REDIC1: variants seen among roughly 807,000 people sequenced by gnomAD.
REDIC1 encodes HEI10 Interacting Protein 1.
the REDIC1 span, among the ~76,000 whole-genome samples, chr12:39,707,462 A>T: frequency 6.6e-6 from 1 of 151,906 alleles, no homozygotes; most frequent in African/African-American, 2.4e-5. Context: ...GTTCCTCAAA[A>T]AACTAAAAAT....
At chr12:39,626,470 G>A in the REDIC1 span, 13 of 1,398,306 alleles carry the variant, frequency 9.3e-6, no homozygotes, top group Middle Eastern at 1.8e-4. Context: ...GGTAGGAAAG[G>A]GTCTTTTTAT....
chr12:39,722,365 G>A, the REDIC1 span, among the ~76,000 whole-genome samples: 2,343 of 152,030 alleles, frequency 0.015, 57 homozygotes, highest in African/African-American at 0.051. Flanking sequence ...TCATGGAAGG[G>A]GAATATAATT....
chr12:39,671,168 T>A, the REDIC1 span, among the ~76,000 whole-genome samples: 2 of 152,230 alleles, frequency 1.3e-5, no homozygotes, highest in African/African-American at 4.8e-5. Flanking sequence ...CTTCTTCTGA[T>A]GTTTTGGATT....
At chr12:39,649,091 C>T in the REDIC1 span, among the ~76,000 whole-genome samples, 1 of 151,778 alleles carries the variant, frequency 6.6e-6, no homozygotes, top group Non-Finnish European at 1.5e-5. Context: ...GATAAAACAT[C>T]TGTGTAATCT....
At chr12:39,713,390 G>T in the REDIC1 span, among the ~76,000 whole-genome samples, 1 of 126,634 alleles carries the variant, frequency 7.9e-6, no homozygotes, top group Non-Finnish European at 1.8e-5. Context: ...ATGTATGTGT[G>T]TAGACACATA....
At chr12:39,799,227 C>T in the REDIC1 span, among the ~76,000 whole-genome samples, 22 of 149,068 alleles carry the variant, frequency 1.5e-4, no homozygotes, top group Non-Finnish European at 1.8e-4. Flanking sequence ...GTAGCTGGGA[C>T]TACAGGCATG....
At chr12:39,667,848 G>C in the REDIC1 span, among the ~76,000 whole-genome samples, 1 of 152,000 alleles carries the variant, frequency 6.6e-6, no homozygotes, top group Non-Finnish European at 1.5e-5. Flanking sequence ...TTTGATCTTT[G>C]TTTGTTCAAA....
the REDIC1 span, among the ~76,000 whole-genome samples, chr12:39,782,556 G>A: frequency 2.6e-5 from 4 of 152,198 alleles, no homozygotes; most frequent in East Asian, 7.7e-4. Flanking sequence ...CCAGTTTTGG[G>A]TATGTCTTTA....
At chr12:39,661,486 C>T in the REDIC1 span, among the ~76,000 whole-genome samples, 1 of 151,894 alleles carries the variant, frequency 6.6e-6, no homozygotes, top group African/African-American at 2.4e-5. Context: ...CCTTTGCCCA[C>T]TTTTTAACGG....
chr12:39,813,995 A>G, the REDIC1 span, among the ~76,000 whole-genome samples: 1 of 152,214 alleles, frequency 6.6e-6, no homozygotes, highest in African/African-American at 2.4e-5. Flanking sequence ...GTGATTTCGT[A>G]TATTACTTCA....
the REDIC1 span, among the ~76,000 whole-genome samples, chr12:39,856,012 T>G: frequency 6.6e-6 from 1 of 152,184 alleles, no homozygotes; most frequent in African/African-American, 2.4e-5. Flanking sequence ...AGCATGCCCA[T>G]AGAAGGTATT....
chr12:39,815,523 A>G, the REDIC1 span, among the ~76,000 whole-genome samples: 4 of 152,184 alleles, frequency 2.6e-5, no homozygotes, highest in African/African-American at 7.2e-5. Flanking sequence ...AGAGATTTCT[A>G]TGTGTCCAGG....
chr12:39,806,242 G>A, the REDIC1 span, among the ~76,000 whole-genome samples: 1 of 152,150 alleles, frequency 6.6e-6, no homozygotes, highest in Admixed American at 6.6e-5. Flanking sequence ...AATGCTGAAA[G>A]ATCAGAACAA....
chr12:39,674,825 G>A, the REDIC1 span, among the ~76,000 whole-genome samples: 1 of 152,186 alleles, frequency 6.6e-6, no homozygotes, highest in Non-Finnish European at 1.5e-5. Flanking sequence ...AATTGAGGAG[G>A]GGCCACAGGG....
chr12:39,711,128 G>A, the REDIC1 span, among the ~76,000 whole-genome samples: 1 of 151,218 alleles, frequency 6.6e-6, no homozygotes, highest in Non-Finnish European at 1.5e-5. Flanking sequence ...CCTCATATCA[G>A]TGAGAACATA....
the REDIC1 span, among the ~76,000 whole-genome samples, chr12:39,774,122 A>T: frequency 6.6e-6 from 1 of 152,334 alleles, no homozygotes; most frequent in Middle Eastern, 3.4e-3. Context: ...GAAATTTATG[A>T]TATAATTACA....
At chr12:39,797,782 G>A in the REDIC1 span, among the ~76,000 whole-genome samples, 13 of 138,238 alleles carry the variant, frequency 9.4e-5, no homozygotes, top group African/African-American at 1.6e-4. Context: ...ACACATACAC[G>A]GATGCATACT....
chr12:39,853,207 CTG>C, the REDIC1 span, among the ~76,000 whole-genome samples: 2 of 152,132 alleles, frequency 1.3e-5, no homozygotes, highest in Non-Finnish European at 1.5e-5. Context: ...GCAACTACCT[CTG>C]TGTCTTCTTT....
the REDIC1 span, among the ~76,000 whole-genome samples, chr12:39,693,096 T>G: frequency 6.6e-6 from 1 of 152,272 alleles, no homozygotes; most frequent in Admixed American, 6.5e-5. Context: ...AAGTTTGGTT[T>G]TCTTTATGGA....
Sources: allele counts gnomAD v4.1 joint callset (sites outside exome capture counted in the v4.1 genomes callset), GRCh38; gene constraint gnomAD v4.1.1; transcripts MANE v1.5; gene names NCBI Gene and HGNC (gene_info 2026-07-23, HGNC 2026-07-21).